Variants in CTDP1 observed in about 807,000 individuals in gnomAD.
The protein encoded by CTDP1 is CTD phosphatase 1, also known as RNA polymerase II subunit A C-terminal domain phosphatase.
Under a neutral mutation model 91.8 loss-of-function variants are expected in CTDP1, and 47 were observed. The observed-to-expected ratio is 0.51, with a 90% confidence interval of 0.41 to 0.65. The LOEUF is 0.65. Ranked by LOEUF, CTDP1 falls within the 30% of genes least tolerant of loss-of-function variation. The probability of loss-of-function intolerance (pLI) is 0.00; values close to 1 mark genes in which losing one functional copy is unlikely to be tolerated. For synonymous variants in CTDP1, 656 were observed against 598.5 expected, an observed-to-expected ratio of 1.10 and a Z score of -1.40; for missense variants, 1,272 against 1,373.7, an observed-to-expected ratio of 0.93 and a Z score of 1.17.
intron 12 of CTDP1, among the ~76,000 whole-genome samples, chr18:79,749,324 C>T (rs868664230): frequency 5.3e-5 from 8 of 152,182 alleles, no homozygotes; most frequent in Middle Eastern, 3.4e-3. Context: ...GTCGGGGCCC[C>T]TGCCCCTGCC....
chr18:79,738,320 G>A (rs1003882317), intron 12 of CTDP1, among the ~76,000 whole-genome samples: 10 of 152,176 alleles, frequency 6.6e-5, no homozygotes, highest in African/African-American at 2.2e-4. Context: ...AGGTCCTGCC[G>A]ACATCCTCAG....
At position 79,717,609 on chromosome 18, in the gene CTDP1, C is replaced by T; in HGVS notation, c.2143C>T (p.Leu715=). The change falls in exon 9 of 13, where the codon CTG becomes TTG. Residue 715 remains leucine (L), a synonymous_variant. Coordinates refer to ENST00000613122, the MANE Select transcript of CTDP1 (RefSeq NM_004715.5). ...CAACCCTGACTGGCTGTGGAGCTGC[C>T]TGGAGCGCTGGGACAAGGTGGAGGA... is the stretch of plus-strand genomic sequence containing the variant. The part of the protein sequence containing the change: ...VVNPDWLWSC[L]ERWDKVEEQL... 6.2e-7 allele frequency: 1 copy of T among 1,613,978 alleles called. No homozygotes were observed.
chr18:79,728,953 G>T lies in CTDP1; in HGVS notation c.2464G>T (p.Asp822Tyr). The change falls in exon 11 of 13, where the codon GAC becomes TAC. Residue 822 changes from aspartate (D) to tyrosine (Y), a missense_variant. Coordinates refer to ENST00000613122, the MANE Select transcript of CTDP1 (RefSeq NM_004715.5). ...QPQMFGEELP[D>Y]AQDGEQPGPS... ...GCAGATGTTTGGTGAAGAGCTGCCT[G>T]ACGCTCAGGACGGAGAGCAGCCTGG... The T allele has an allele frequency of 6.2e-7, 1 of 1,614,222 alleles. No individual in the cohort carries two copies. The highest frequency in any genetic ancestry group is 1.3e-5 in the African/African-American group (1 of 75,080).
Position 79,729,016 on chromosome 18 carries a change from A to C in CTDP1, c.2527A>C (p.Thr843Pro). 1 of 1,614,102 alleles carries C rather than the reference A, an allele frequency of 6.2e-7. No homozygotes were observed. Among genetic ancestry groups the C allele is most frequent in the South Asian group, 1.1e-5 (1 of 91,082 alleles). ...RRKRQPSMSETMPLYTLCKED... is the reference protein window; with the variant it reads ...RRKRQPSMSEPMPLYTLCKED... The stretch of plus-strand genomic sequence containing the variant: ...AAAGCGACAGCCCAGTATGTCTGAG[A>C]CAATGCCGCTGTACACTCTTTGTAA... The change falls in exon 11 of 13, where the codon ACA becomes CCA. Residue 843 changes from threonine to proline, a missense_variant. Physicochemically the swap from Thr to Pro is conservative, Grantham distance 38. Around this residue, in one of 3 missense-constraint regions of CTDP1, gnomAD observed 881 missense variants for 911.6 expected, o/e 0.97. Transcript: ENST00000613122.
chr18:79,718,253 A>G (rs1156423134), intron 10 of CTDP1, among the ~76,000 whole-genome samples: 3 of 152,076 alleles, frequency 2.0e-5, no homozygotes, highest in African/African-American at 7.2e-5. Context: ...TCAGCTTCTC[A>G]GATGTTGTCC....
chr18:79,678,058 C>G (rs1322257865), upstream of CTDP1: 1 of 152,246 alleles, frequency 6.6e-6, no homozygotes, highest in Non-Finnish European at 1.5e-5. Flanking sequence ...TAGTCAAAAA[C>G]CCACAGCTAC....
chr18:79,711,018 C>G (rs1191644641), intron 6 of CTDP1, among the ~76,000 whole-genome samples: 1 of 152,168 alleles, frequency 6.6e-6, no homozygotes, highest in East Asian at 1.9e-4. Flanking sequence ...TCTGCCCCAT[C>G]CCAATAGCCC....
chr18:79,734,882 C>T (rs904594659), intron 11 of CTDP1, among the ~76,000 whole-genome samples: 3 of 152,212 alleles, frequency 2.0e-5, no homozygotes, highest in African/African-American at 7.2e-5. Context: ...ATGCCAGCGT[C>T]CCTGGGAACA....
chr18:79,696,206 A>T, intron 3 of CTDP1, 136 bp downstream of exon 3: 1 of 774,622 alleles, frequency 1.3e-6, no homozygotes, highest in South Asian at 1.5e-5. Flanking sequence ...CATCACACGG[A>T]TGACTTATGG....
intron 2 of CTDP1, 70 bp from the exon 3 acceptor site, chr18:79,695,907 C>A: frequency 8.0e-7 from 1 of 1,246,152 alleles, no homozygotes; most frequent in Non-Finnish European, 1.2e-6. Flanking sequence ...AATCCTGTCA[C>A]TTAGAGCCCA....
intron 10 of CTDP1, among the ~76,000 whole-genome samples, chr18:79,724,303 A>G (rs2086403146): frequency 6.6e-6 from 1 of 152,174 alleles, no homozygotes; most frequent in African/African-American, 2.4e-5. Flanking sequence ...AACCTATCTA[A>G]GTTTTTATTT....
At position 79,728,469 on chromosome 18, in the gene CTDP1, G is replaced by A. The variant is rs193297676; in HGVS notation, c.2418-438G>A. ...TTGGCCGTTTTTTGTGTCTGTTTTC[G>A]TAGCCTGGAGATGTTGCATTTTCTT... On this transcript the variant is annotated intron_variant, in intron 10 of 12. Coordinates refer to ENST00000613122, the MANE Select transcript of CTDP1 (RefSeq NM_004715.5). Among the ~76,000 whole-genome samples, 435 of 152,222 alleles carry A rather than the reference G, an allele frequency of 2.9e-3. 1 individual carries two copies. The highest frequency in any genetic ancestry group is 0.01 in the African/African-American group (424 of 41,538).
chr18:79,708,233 C>T (rs775835196), intron 5 of CTDP1, among the ~76,000 whole-genome samples: 10 of 152,134 alleles, frequency 6.6e-5, no homozygotes, highest in Non-Finnish European at 1.0e-4. Flanking sequence ...TGCATAGTGC[C>T]GTGGGGCTGC....
Position 79,717,798 on chromosome 18 carries a change from T to C in CTDP1, c.2211-12T>C. The C allele has an allele frequency of 6.2e-7, 1 of 1,613,740 alleles. No individual in the cohort carries two copies. ...CGCCCCGCTCATGGCCCTCGTTCTC[T>C]TCCTCCGACAGGGAGAACAGCCCTG... is the stretch of plus-strand genomic sequence containing the variant. On this transcript the variant is annotated splice_polypyrimidine_tract_variant and intron_variant, in intron 9 of 12. Transcript: ENST00000613122.
intron 8 of CTDP1, among the ~76,000 whole-genome samples, chr18:79,717,155 G>T (rs1222318968): frequency 6.7e-6 from 1 of 148,474 alleles, no homozygotes; most frequent in South Asian, 2.1e-4. Flanking sequence ...CCTGAGTCCT[G>T]GTGGGTACTG....
chr18:79,715,519 G>A lies in CTDP1; in HGVS notation c.2059G>A (p.Ala687Thr), dbSNP rs766523914. 92 of 1,552,046 alleles carry A rather than the reference G, an allele frequency of 5.9e-5. No individual in the cohort carries two copies. The highest frequency in any genetic ancestry group is 7.2e-5 in the Non-Finnish European group (83 of 1,152,322). The change falls in exon 8 of 13, where the codon GCG (alanine) becomes ACG (threonine). Residue 687 changes from alanine (A) to threonine (T), a missense_variant. By Grantham distance (58) the Ala-to-Thr change is moderately conservative. Transcript: ENST00000613122. ...TGACAGGGCCACGCACCTGATCGCC[G>A]CGCGAGCTGGTGAGTGCTGCCTCCC... ...APDRATHLIAARAGTEKVLQA... is the reference protein window; with the variant it reads ...APDRATHLIATRAGTEKVLQA...
intron 11 of CTDP1, among the ~76,000 whole-genome samples, chr18:79,733,045 T>C (rs2086596947): frequency 6.6e-6 from 1 of 152,192 alleles, no homozygotes; most frequent in Admixed American, 6.5e-5. Flanking sequence ...AGTCTCCTCG[T>C]GGTGGGCGTG....
At chr18:79,717,756 GC>G in intron 9 of CTDP1, 53 bp from the exon 10 acceptor site, 2 of 1,613,654 alleles carry the variant, frequency 1.2e-6, no homozygotes, top group Non-Finnish European at 1.7e-6. Flanking sequence ...CCTGGGCAGT[GC>G]CCCTCATCAC....
intron 1 of CTDP1, among the ~76,000 whole-genome samples, chr18:79,693,411 A>T (rs911578536): frequency 1.3e-5 from 2 of 152,140 alleles, no homozygotes; most frequent in Admixed American, 1.3e-4. Context: ...CACTTTTTCA[A>T]ACAAGGTGTC....
Sources: allele counts gnomAD v4.1 joint callset (sites outside exome capture counted in the v4.1 genomes callset), GRCh38; gene constraint gnomAD v4.1.1; regional missense constraint gnomAD v4.1.1; transcripts MANE v1.5; gene names NCBI Gene and HGNC (gene_info 2026-07-23, HGNC 2026-07-21).